PFKP: variants seen among roughly 807,000 people sequenced by gnomAD.
PFKP encodes the protein phosphofructokinase, platelet.
A neutral mutation model predicts 94.3 loss-of-function variants in PFKP; 101 were observed. The observed-to-expected ratio is 1.07, with a 90% CI of 0.91 to 1.26. The LOEUF is 1.26. PFKP is among the 50% of genes most tolerant of loss of function. The probability of loss-of-function intolerance (pLI) is 0.00; values close to 1 mark genes in which losing one functional copy is unlikely to be tolerated. For missense variants in PFKP, 1,145 were observed against 1,103.3 expected (o/e 1.04, Z -0.53); for synonymous variants, 573 against 432.6 (o/e 1.32, Z -4.03).
intron 2 of PFKP, among the ~76,000 whole-genome samples, chr10:3,082,763 G>T (rs144727633): frequency 3.7e-4 from 56 of 152,222 alleles, no homozygotes; most frequent in Non-Finnish European, 6.9e-4. Flanking sequence ...CTGTTGTCCA[G>T]GCTGGAGTGC....
At chr10:3,128,811 G>A (rs1318595798) in intron 16 of PFKP, among the ~76,000 whole-genome samples, 8 of 152,202 alleles carry the variant, frequency 5.3e-5, no homozygotes, top group Admixed American at 5.2e-4. Flanking sequence ...GATAGGACTG[G>A]GATTCCTTTG....
intron 1 of PFKP, chr10:3,069,287 G>C: frequency 1.3e-6 from 2 of 1,512,148 alleles, no homozygotes; most frequent in Non-Finnish European, 1.8e-6. Context: ...TGGGTTCTCA[G>C]AGAAAGAAAA....
rs867423372 is a variant in PFKP, at chr10:3,068,952, G to A, written c.112+1245G>A. Among the ~76,000 whole-genome samples, 14 of 152,124 alleles carry A rather than the reference G, an allele frequency of 9.2e-5. No homozygotes were observed. The South Asian group carries it at 1.2e-3, about 14-fold the overall frequency. ...AGCGGGGATGCACCCCCTGCCCACT[G>A]CGCGGGTGACCTTCCCTTCGCCCTT... On this transcript the variant is annotated intron_variant, in intron 1 of 21. Transcript: ENST00000381125.
At chr10:3,111,961 T>C (rs1290917763) in intron 10 of PFKP, among the ~76,000 whole-genome samples, 1 of 152,180 alleles carries the variant, frequency 6.6e-6, no homozygotes, top group Non-Finnish European at 1.5e-5. Flanking sequence ...AGGTGACACC[T>C]TCTCTTTTTC....
intron 3 of PFKP, among the ~76,000 whole-genome samples, chr10:3,099,775 G>C (rs569153816): frequency 2.0e-5 from 3 of 152,104 alleles, no homozygotes; most frequent in East Asian, 3.9e-4. Context: ...TCCATTCTGC[G>C]GTCGTGATTG....
chr10:3,074,138 C>T (rs1030340148), intron 1 of PFKP, among the ~76,000 whole-genome samples: 1 of 152,188 alleles, frequency 6.6e-6, no homozygotes, highest in African/African-American at 2.4e-5. Flanking sequence ...CTGCACCCAG[C>T]CTTATTTCTG....
intron 14 of PFKP, among the ~76,000 whole-genome samples, chr10:3,118,403 G>T (rs1837041645): frequency 6.6e-6 from 1 of 152,150 alleles, no homozygotes; most frequent in Admixed American, 6.5e-5. Flanking sequence ...GGGAGGCGGA[G>T]CTTGCAGTGA....
chr10:3,109,493 CCCATGG>C lies in PFKP; in HGVS notation c.1089+17_1089+22del. Reference sequence around the variant, plus strand: ...GTGCGTGCAGATGGTGAGTGGGCAGCCCATGGCCAAGGGCAGGGCGGAGACGGCTGG... The same window carrying C: ...GTGCGTGCAGATGGTGAGTGGGCAGCCCAAGGGCAGGGCGGAGACGGCTGG... On this transcript the variant is annotated intron_variant, in intron 10 of 21. Coordinates refer to ENST00000381125, the MANE Select transcript of PFKP (RefSeq NM_002627.5). The C allele has an allele frequency of 6.2e-7, 1 of 1,601,378 alleles. No individual in the cohort carries two copies. The highest frequency in any genetic ancestry group is 8.5e-7 in the Non-Finnish European group (1 of 1,179,362).
At chr10:3,127,948 G>A (rs1354179832) in intron 16 of PFKP, among the ~76,000 whole-genome samples, 1 of 152,208 alleles carries the variant, frequency 6.6e-6, no homozygotes, top group East Asian at 1.9e-4. Context: ...AAGTGCTCAA[G>A]TGAACATTTC....
intron 20 of PFKP, 144 bp from the exon 21 acceptor site, chr10:3,135,592 C>T (rs752293587): frequency 1.1e-4 from 64 of 586,506 alleles, no homozygotes; most frequent in East Asian, 2.7e-4. Flanking sequence ...CCCCACTGCG[C>T]GGCTGTTCTC....
chr10:3,117,229 G>A (rs1797889948), intron 14 of PFKP, among the ~76,000 whole-genome samples: 1 of 152,212 alleles, frequency 6.6e-6, no homozygotes, highest in South Asian at 2.1e-4. Context: ...GCATTGGTGG[G>A]AAGCATAGCC....
intron 16 of PFKP, among the ~76,000 whole-genome samples, chr10:3,128,519 C>G (rs938893907): frequency 3.9e-5 from 6 of 152,272 alleles, no homozygotes; most frequent in Non-Finnish European, 5.9e-5. Context: ...TCCCACAGCT[C>G]TGGAGCGCAG....
At chr10:3,100,865 A>AAAC (rs1834929189) in intron 3 of PFKP, 2 of 487,356 alleles carry the variant, frequency 4.1e-6, no homozygotes, top group South Asian at 5.9e-5. Flanking sequence ...TGTGGTGCAA[A>AAAC]AAAAAAAAAA....
chr10:3,115,029 TGGAGGGCAC>T (rs1488129919), intron 13 of PFKP, among the ~76,000 whole-genome samples: 2 of 152,108 alleles, frequency 1.3e-5, no homozygotes, highest in African/African-American at 4.8e-5. Flanking sequence ...TCTGGAGGTA[TGGAGGGCAC>T]GGAGGGCAGA....
intron 8 of PFKP, chr10:3,107,824 AC>A: frequency 1.6e-6 from 2 of 1,238,376 alleles, no homozygotes; most frequent in South Asian, 2.7e-5. Flanking sequence ...GTGCCCTGGG[AC>A]TTGCTCAGGC....
intron 2 of PFKP, among the ~76,000 whole-genome samples, chr10:3,084,791 GTCC>G (rs1833375617): frequency 7.0e-6 from 1 of 143,170 alleles, no homozygotes; most frequent in South Asian, 2.2e-4. Flanking sequence ...CCCCAGGAGA[GTCC>G]TCCATCTCCT....
chr10:3,067,590 C>T lies in PFKP; in HGVS notation c.-6C>T, dbSNP rs781473419. The T allele has an allele frequency of 2.0e-5, 30 of 1,495,614 alleles. No individual in the cohort carries two copies. The highest frequency in any genetic ancestry group is 2.7e-5 in the Non-Finnish European group (30 of 1,110,746). 92.6% of individuals were successfully genotyped at this position (1,495,614 alleles called of 1,614,324 possible). A position where few individuals can be genotyped will look rare whatever the true frequency, so the allele number is the denominator to read the frequency against. On this transcript the variant is annotated 5_prime_UTR_variant, in exon 1 of 22. Coordinates refer to ENST00000381125, the MANE Select transcript of PFKP (RefSeq NM_002627.5). The stretch of plus-strand genomic sequence containing the variant: ...CGGACGTGCGGCTCCCCTCGGCCTC[C>T]TCGCCATGGACGCGGACGACTCCCG...
chr10:3,117,594 T>C (rs761963078), intron 14 of PFKP, among the ~76,000 whole-genome samples: 4 of 152,178 alleles, frequency 2.6e-5, no homozygotes, highest in Non-Finnish European at 4.4e-5. Flanking sequence ...TCCCAGCCAC[T>C]GGTGGGATGG....
At position 3,105,180 on chromosome 10, in the gene PFKP, C is replaced by T. The variant is rs758715067; in HGVS notation, c.665+21C>T. 208 of 1,609,124 alleles carry T rather than the reference C, an allele frequency of 1.3e-4. No homozygotes were observed. The Middle Eastern group carries it at 2.2e-3, about 17-fold the overall frequency. On this transcript the variant is annotated intron_variant, in intron 6 of 21. Coordinates refer to ENST00000381125, the MANE Select transcript of PFKP (RefSeq NM_002627.5). ...TGTGGGTACGTACCTGCGGTGGGTC[C>T]GGTGGACGCGGTTCAGGTGGGGGAC...
Sources: allele counts gnomAD v4.1 joint callset (sites outside exome capture counted in the v4.1 genomes callset), GRCh38; gene constraint gnomAD v4.1.1; transcripts MANE v1.5; gene names NCBI Gene and HGNC (gene_info 2026-07-23, HGNC 2026-07-21).